Variants in ZNF143 observed in about 807,000 individuals in gnomAD.
ZNF143 encodes zinc finger protein 143.
A neutral mutation model predicts 74.1 loss-of-function variants in ZNF143; 49 were observed. The observed-to-expected ratio is 0.66, with a 90% CI of 0.53 to 0.84. ZNF143 has a LOEUF of 0.84. Among genes scored for constraint, ZNF143 ranks in the 40% least tolerant of loss-of-function variants. The pLI, the probability that ZNF143 is intolerant of heterozygous loss-of-function variation, is 0.00. For synonymous variants in ZNF143, 304 were observed against 282.8 expected, an observed-to-expected ratio of 1.07 and a Z score of -0.75; for missense variants, 637 against 793.4, an observed-to-expected ratio of 0.80 and a Z score of 2.37.
chr11:9,497,366 A>G (rs1485223082), intron 9 of ZNF143, among the ~76,000 whole-genome samples: 1 of 152,062 alleles, frequency 6.6e-6, no homozygotes, highest in East Asian at 1.9e-4. Context: ...AGTAGCTGGG[A>G]CTACAGGCAT....
chr11:9,473,088 T>G (rs981176905), intron 3 of ZNF143, among the ~76,000 whole-genome samples: 1 of 151,982 alleles, frequency 6.6e-6, no homozygotes, highest in Admixed American at 6.6e-5. Context: ...ACCAAATACC[T>G]GTAAGAGTAA....
chr11:9,500,850 A>G (rs949638587), intron 10 of ZNF143, among the ~76,000 whole-genome samples: 1 of 151,892 alleles, frequency 6.6e-6, no homozygotes, highest in African/African-American at 2.4e-5. Flanking sequence ...GGATGATTCC[A>G]TCTTGGAGAG....
intron 8 of ZNF143, 28 bp from the exon 9 acceptor site, chr11:9,496,275 T>C (rs770718623): frequency 6.2e-7 from 1 of 1,609,550 alleles, no homozygotes; most frequent in Non-Finnish European, 8.5e-7. Flanking sequence ...GTAAAGGAAA[T>C]AGAATCATGC....
intron 1 of ZNF143, among the ~76,000 whole-genome samples, chr11:9,467,113 C>T (rs545942046): frequency 6.6e-6 from 1 of 151,722 alleles, no homozygotes; most frequent in South Asian, 2.1e-4. Flanking sequence ...AGGATGCTCT[C>T]AATCTCCTGA....
chr11:9,492,204 G>A (rs560151817), intron 7 of ZNF143, among the ~76,000 whole-genome samples: 5 of 147,242 alleles, frequency 3.4e-5, no homozygotes, highest in South Asian at 2.2e-4. Flanking sequence ...TCTGCCTCCC[G>A]GGTTCAAGCA....
At chr11:9,470,084 C>T (rs889871798) in intron 1 of ZNF143, among the ~76,000 whole-genome samples, 1 of 152,168 alleles carries the variant, frequency 6.6e-6, no homozygotes, top group Non-Finnish European at 1.5e-5. Flanking sequence ...TGGTTCAGTT[C>T]CCTGTCCCAA....
chr11:9,468,603 C>G (rs562857072), intron 1 of ZNF143, among the ~76,000 whole-genome samples: 1 of 152,328 alleles, frequency 6.6e-6, no homozygotes, highest in South Asian at 2.1e-4. Context: ...AGAACTCTAT[C>G]TCATTTGCTA....
Position 9,472,520 on chromosome 11 carries a change from G to A in ZNF143, c.113-157G>A, listed in dbSNP as rs570819690. 2.4e-4 allele frequency among the ~76,000 whole-genome samples: 37 copies of A among 152,244 alleles called. 1 individual carries two copies. Among genetic ancestry groups the A allele is most frequent in the African/African-American group, 8.4e-4 (35 of 41,540 alleles). On this transcript the variant is annotated intron_variant, in intron 2 of 15. Transcript: ENST00000396602. ...ACTTGCCTTGGCCTCCCAAAGTGCC[G>A]TGATTACAGGCGTGAGCCACTGCAC...
intron 13 of ZNF143, among the ~76,000 whole-genome samples, chr11:9,512,949 CAG>C (rs751136466): frequency 1.3e-5 from 2 of 152,068 alleles, no homozygotes; most frequent in East Asian, 1.9e-4. Context: ...ATTGAGAAAA[CAG>C]AGATTTGGCT....
chr11:9,506,325 TC>T (rs1848363812), intron 11 of ZNF143, among the ~76,000 whole-genome samples: 1 of 152,218 alleles, frequency 6.6e-6, no homozygotes, highest in Non-Finnish European at 1.5e-5. Context: ...AGAGCGAGAC[TC>T]CGTCTCAAAA....
intron 14 of ZNF143, among the ~76,000 whole-genome samples, chr11:9,520,028 T>TA (rs1490754180): frequency 8.3e-6 from 1 of 120,338 alleles, no homozygotes; most frequent in Non-Finnish European, 1.6e-5. Flanking sequence ...TCCACCAATT[T>TA]TTTTTTTTTT....
intron 1 of ZNF143, chr11:9,462,147 G>C (rs966738138): frequency 1.3e-5 from 2 of 151,948 alleles, no homozygotes; most frequent in Non-Finnish European, 2.9e-5. Context: ...AAGATGCATA[G>C]CTAATTTTGT....
intron 13 of ZNF143, among the ~76,000 whole-genome samples, chr11:9,515,752 G>A (rs1454960798): frequency 6.6e-6 from 1 of 151,996 alleles, no homozygotes; most frequent in Non-Finnish European, 1.5e-5. Context: ...AGGCTGAAGT[G>A]GTAGGATCAC....
intron 7 of ZNF143, among the ~76,000 whole-genome samples, chr11:9,491,009 A>T (rs1415876811): frequency 6.6e-6 from 1 of 152,258 alleles, no homozygotes; most frequent in African/African-American, 2.4e-5. Flanking sequence ...TTGGAATTGT[A>T]GGCATGAACC....
In ZNF143 at chr11:9,494,726, T is replaced by C. The variant is rs1173959208; in HGVS notation, c.726T>C (p.Asp242=). 6.2e-7 allele frequency: 1 copy of C among 1,613,234 alleles called. No homozygotes were observed. The highest frequency in any genetic ancestry group is 8.5e-7 in the Non-Finnish European group (1 of 1,179,180). The change falls in exon 8 of 16, where the codon GAT becomes GAC. Residue 242 remains aspartate (D), a synonymous_variant. Transcript: ENST00000396602. ...AGAAGGCATTTCGATGTGAATATGA[T>C]GGATGTGGAAAATTATATACAACAG... is the stretch of plus-strand genomic sequence containing the variant. The part of the protein sequence containing the change: ...SGEKAFRCEY[D]GCGKLYTTAH...
intron 3 of ZNF143, among the ~76,000 whole-genome samples, chr11:9,473,553 G>A (rs112392358): frequency 3.3e-5 from 5 of 152,310 alleles, no homozygotes; most frequent in African/African-American, 1.2e-4. Context: ...AGCCCTCAGG[G>A]ATGAGAATGA....
intron 14 of ZNF143, among the ~76,000 whole-genome samples, chr11:9,522,229 C>T (rs1378243881): frequency 2.6e-5 from 4 of 151,290 alleles, no homozygotes; most frequent in East Asian, 3.9e-4. Context: ...AAGGACTGGG[C>T]GCAGTGGCTC....
intron 7 of ZNF143, among the ~76,000 whole-genome samples, chr11:9,485,663 TGGCA>T (rs1203670156): frequency 1.3e-5 from 2 of 151,590 alleles, no homozygotes; most frequent in African/African-American, 4.9e-5. Context: ...TTAATCTTCC[TGGCA>T]GTGCTGATGT....
intron 1 of ZNF143, among the ~76,000 whole-genome samples, chr11:9,469,125 C>T (rs1856418617): frequency 6.7e-6 from 1 of 148,500 alleles, no homozygotes. Flanking sequence ...CAGTGAGATG[C>T]CATCTCAAAA....
Sources: gnomAD v4.1 joint callset for allele counts (sites outside exome capture counted in the v4.1 genomes callset) on GRCh38, gnomAD v4.1.1 for gene constraint, MANE v1.5 for transcripts, NCBI Gene and HGNC (gene_info 2026-07-23, HGNC 2026-07-21) for gene names.